The following RASA3 variants were observed in gnomAD, a reference collection of about 807,000 sequenced individuals.
RASA3 encodes RAS p21 protein activator 3, also known as ras GTPase-activating protein 3.
RASA3 carries 73 observed loss-of-function variants against 110.0 expected under a neutral mutation model. That is an observed-to-expected ratio of 0.66 (90% CI 0.55 to 0.81). RASA3 has a LOEUF of 0.81. RASA3 is among the 30% of genes least tolerant of loss of function. The probability of loss-of-function intolerance (pLI) is 0.00; values close to 1 mark genes in which losing one functional copy is unlikely to be tolerated. For missense variants in RASA3, 976 were observed against 1,113.2 expected, an observed-to-expected ratio of 0.88 and a Z score of 1.75; for synonymous variants, 500 against 451.4, an observed-to-expected ratio of 1.11 and a Z score of -1.37.
At position 114,114,911 on chromosome 13, in the gene RASA3, C is replaced by A. The variant is rs2080258209; in HGVS notation, c.55+17524G>T. 6.6e-6 allele frequency among the ~76,000 whole-genome samples: 1 copy of A among 152,150 alleles called. No individual in the cohort carries two copies. The highest frequency in any genetic ancestry group is 2.4e-5 in the African/African-American group (1 of 41,464). On this transcript the variant is annotated intron_variant, in intron 1 of 23. Coordinates refer to ENST00000334062, the MANE Select transcript of RASA3 (RefSeq NM_007368.4). The surrounding 1 kb of genome is among the most constrained non-coding windows in gnomAD (Gnocchi z 4.8). The stretch of plus-strand genomic sequence containing the variant: ...GCTGGTAAGCTGGGAAATTCCCGGG[C>A]ACGACCCCTGGCCGTGGGTGAAAGC...
intron 2 of RASA3, among the ~76,000 whole-genome samples, chr13:114,059,930 T>C (rs1464421075): frequency 6.6e-6 from 1 of 152,214 alleles, no homozygotes; most frequent in Non-Finnish European, 1.5e-5. Flanking sequence ...GAACCACGAA[T>C]GTCCAACGCG....
chr13:114,005,805 T>C (rs1372413371), intron 18 of RASA3, among the ~76,000 whole-genome samples: 1 of 86,594 alleles, frequency 1.2e-5, no homozygotes. Flanking sequence ...GGACACCACC[T>C]TACCCTTCTC....
At position 114,018,660 on chromosome 13, in the gene RASA3, C is replaced by T. The variant is rs1473764368; in HGVS notation, c.942+103G>A. On this transcript the variant is annotated intron_variant, in intron 10 of 23. Coordinates refer to ENST00000334062, the MANE Select transcript of RASA3 (RefSeq NM_007368.4). Reference sequence around the variant, plus strand: ...GGCTGGGAGGCGTGGGAAAGGCCCCCTCAGGGAGAAGGTGCCCTCTGGGGT... The same window carrying T: ...GGCTGGGAGGCGTGGGAAAGGCCCCTTCAGGGAGAAGGTGCCCTCTGGGGT... 3 of 1,428,522 alleles carry T rather than the reference C, an allele frequency of 2.1e-6. 1 individual carries two copies. The highest frequency in any genetic ancestry group is 2.7e-5 in the South Asian group (2 of 75,466). 88.5% of individuals were successfully genotyped at this position (1,428,522 alleles called of 1,614,324 possible). A position where few individuals can be genotyped will look rare whatever the true frequency, so the allele number is the denominator to read the frequency against.
chr13:113,991,521 G>A (rs1594281258), intron 22 of RASA3, among the ~76,000 whole-genome samples: 1 of 152,226 alleles, frequency 6.6e-6, no homozygotes, highest in Admixed American at 6.5e-5. Context: ...AAACGCAGCT[G>A]CTTCACCCCC....
At chr13:114,075,269 G>A (rs1479914688) in intron 1 of RASA3, among the ~76,000 whole-genome samples, 3 of 152,296 alleles carry the variant, frequency 2.0e-5, no homozygotes, top group East Asian at 1.9e-4. Flanking sequence ...AAGCGCACAC[G>A]TCATGGCTCA....
Position 114,057,628 on chromosome 13 carries a change from G to A in RASA3, c.174-5473C>T, listed in dbSNP as rs772839718. On this transcript the variant is annotated intron_variant, in intron 2 of 23. Transcript: ENST00000334062. This position sits in a 1 kb window ranked among gnomAD's most constrained non-coding sequence, Gnocchi z 5.0. ...GAGCCAGCCTGACACCCAAGGCCAC[G>A]ATGCCATAGCCAGGGAGCCCTGAAG... Among the ~76,000 whole-genome samples, 3 of 152,344 alleles carry A rather than the reference G, an allele frequency of 2.0e-5. No homozygotes were observed. Among genetic ancestry groups the A allele is most frequent in the African/African-American group, 4.8e-5 (2 of 41,592 alleles).
Position 113,989,089 on chromosome 13 carries a change from G to A in RASA3, c.2245+3396C>T, listed in dbSNP as rs532727217. Among the ~76,000 whole-genome samples the A allele has an allele frequency of 4.4e-4, 45 of 102,012 alleles. 1 individual carries two copies. The South Asian group carries it at 0.013, about 29-fold the overall frequency. 66.9% of individuals were successfully genotyped at this position (102,012 alleles called of 152,430 possible). A position where few individuals can be genotyped will look rare whatever the true frequency, so the allele number is the denominator to read the frequency against. ...TCACTCACCCATCTGTCAGTCCACCGATCACTCACCCATCTGTCCATCACC... is the reference window on the plus strand; with the variant it reads ...TCACTCACCCATCTGTCAGTCCACCAATCACTCACCCATCTGTCCATCACC... On this transcript the variant is annotated intron_variant, in intron 22 of 23. Transcript: ENST00000334062.
At chr13:114,063,369 ATATT>A (rs1334553913) in intron 2 of RASA3, among the ~76,000 whole-genome samples, 2 of 149,970 alleles carry the variant, frequency 1.3e-5, no homozygotes, top group African/African-American at 4.9e-5. Flanking sequence ...CATAAATACA[ATATT>A]TATAATACAA....
chr13:114,060,247 G>C (rs1215103221), intron 2 of RASA3, among the ~76,000 whole-genome samples: 1 of 152,210 alleles, frequency 6.6e-6, no homozygotes, highest in Non-Finnish European at 1.5e-5. Flanking sequence ...AGAGGTCAGG[G>C]TGCAGCCGAG....
intron 18 of RASA3, among the ~76,000 whole-genome samples, chr13:114,003,374 C>T (rs2053445235): frequency 6.6e-6 from 1 of 152,208 alleles, no homozygotes; most frequent in Admixed American, 6.5e-5. Context: ...TCTACAGCAG[C>T]TTCTCGGCGT....
chr13:114,083,232 C>A (rs7329987), intron 1 of RASA3, among the ~76,000 whole-genome samples: 56,352 of 152,138 alleles, frequency 0.37, 10,407 homozygotes, highest in Middle Eastern at 0.45. Flanking sequence ...TGTGCTATTG[C>A]AGTGTAACCG....
At chr13:114,066,092 C>T (rs556267208) in intron 2 of RASA3, among the ~76,000 whole-genome samples, 73 of 151,978 alleles carry the variant, frequency 4.8e-4, no homozygotes, top group Non-Finnish European at 9.6e-4. Context: ...CACCACTGCA[C>T]GCAGCACCCC....
Position 114,079,288 on chromosome 13 carries a change from A to G in RASA3, c.56-5451T>C, listed in dbSNP as rs574299144. On this transcript the variant is annotated intron_variant, in intron 1 of 23. Transcript: ENST00000334062. ...AACTACAGGTCGGCCTCACTGAAAT[A>G]ACGTGGAACAGGTGATGGCGACAGC... Among the ~76,000 whole-genome samples the G allele has an allele frequency of 3.9e-5, 6 of 152,320 alleles. No individual in the cohort carries two copies. In the East Asian group the frequency reaches 9.7e-4, roughly 25 times the overall value.
intron 1 of RASA3, among the ~76,000 whole-genome samples, chr13:114,128,988 A>G (rs2080485101): frequency 6.6e-6 from 1 of 152,086 alleles, no homozygotes; most frequent in African/African-American, 2.4e-5. Context: ...TATTGAACAC[A>G]TGTATCAAGA....
At chr13:114,061,301 C>T (rs548418425) in intron 2 of RASA3, among the ~76,000 whole-genome samples, 46 of 152,188 alleles carry the variant, frequency 3.0e-4, no homozygotes, top group African/African-American at 1.1e-3. Flanking sequence ...CTTCAGGTCT[C>T]TTGATGTTTT....
Position 114,050,985 on chromosome 13 carries a change from AAG to A in RASA3, c.277+1065_277+1066del, listed in dbSNP as rs528206199. ...GAGGGACACAGGTGAGCGCTGGGGA[AAG>A]GGGGCAGCCGGCGTGGGGTGGAGCG... is the stretch of plus-strand genomic sequence containing the variant. On this transcript the variant is annotated intron_variant, in intron 3 of 23. Coordinates refer to ENST00000334062, the MANE Select transcript of RASA3 (RefSeq NM_007368.4). Among the ~76,000 whole-genome samples the A allele has an allele frequency of 1.6e-3, 239 of 152,328 alleles. 2 individuals are homozygous for A. Among genetic ancestry groups the A allele is most frequent in the African/African-American group, 5.5e-3 (227 of 41,584 alleles).
At chr13:114,034,558 C>T (rs567732207) in intron 4 of RASA3, among the ~76,000 whole-genome samples, 30 of 152,368 alleles carry the variant, frequency 2.0e-4, no homozygotes, top group African/African-American at 7.2e-4. Context: ...TCCCTCCTGA[C>T]CAGCTGACTT....
chr13:113,981,253 G>A (rs1468951015), intron 23 of RASA3, among the ~76,000 whole-genome samples: 1 of 152,220 alleles, frequency 6.6e-6, no homozygotes, highest in Non-Finnish European at 1.5e-5. Context: ...CCTGCCTCAT[G>A]AGACAAGAGT....
rs549272340 is a variant in RASA3 at position 114,011,471 on chromosome 13, G to A, written c.1513-223C>T. On this transcript the variant is annotated intron_variant, in intron 15 of 23. Coordinates refer to ENST00000334062, the MANE Select transcript of RASA3 (RefSeq NM_007368.4). This position sits in a 1 kb window ranked among gnomAD's most constrained non-coding sequence, Gnocchi z 4.8. ...CCCGCAGGCAACATCCGACGGCACC[G>A]CGGTGACCCACTCTCTCGGCCCAGC... 2.8e-4 allele frequency among the ~76,000 whole-genome samples: 42 copies of A among 152,120 alleles called. No homozygotes were observed. Among genetic ancestry groups the A allele is most frequent in the Admixed American group, 1.3e-4 (2 of 15,272 alleles).
Sources: gnomAD v4.1 joint callset for allele counts (sites outside exome capture counted in the v4.1 genomes callset) on GRCh38, gnomAD v4.1.1 for gene constraint, Gnocchi (gnomAD v3.1) non-coding constraint, MANE v1.5 for transcripts, NCBI Gene and HGNC (gene_info 2026-07-23, HGNC 2026-07-21) for gene names.